FILIP1: variants seen among roughly 807,000 people sequenced by gnomAD.
The protein encoded by FILIP1 is filamin-A-interacting protein 1.
In FILIP1, 61 loss-of-function variants were observed where a neutral mutation model predicts 102.1. The observed-to-expected ratio is 0.60, with a 90% confidence interval of 0.49 to 0.74. The LOEUF (loss-of-function observed/expected upper bound fraction) is 0.74. Ranked by LOEUF, FILIP1 falls within the 30% of genes least tolerant of loss-of-function variation. The pLI is 0.00. For missense variants in FILIP1, 1,314 were observed against 1,441.2 expected (o/e 0.91, Z 1.43); for synonymous variants, 491 against 526.9 (o/e 0.93, Z 0.93).
At chr6:75,425,024 C>T (rs996925252) in intron 1 of FILIP1, among the ~76,000 whole-genome samples, 14 of 152,054 alleles carry the variant, frequency 9.2e-5, no homozygotes, top group Admixed American at 5.3e-4. Context: ...TGAACTTCTC[C>T]CAACTTCTGT....
At chr6:75,473,671 TAA>T (rs1204312042) in intron 1 of FILIP1, 1 of 152,168 alleles carries the variant, frequency 6.6e-6, no homozygotes, top group Non-Finnish European at 1.5e-5. Context: ...TTTAAAAACA[TAA>T]AGACACAGTT....
chr6:75,381,699 T>C (rs2842451), intron 2 of FILIP1, among the ~76,000 whole-genome samples: 112,794 of 152,080 alleles, frequency 0.74, 42,415 homozygotes, highest in African/African-American at 0.87. Flanking sequence ...AGTCTGACTT[T>C]GGATTTGTAG....
chr6:75,468,322 TC>T (rs1205376933), intron 1 of FILIP1, among the ~76,000 whole-genome samples: 2 of 152,150 alleles, frequency 1.3e-5, no homozygotes, highest in Non-Finnish European at 1.5e-5. Flanking sequence ...ATAATAGAGT[TC>T]TTTGTTTTCA....
At chr6:75,491,097 C>T (rs114610506) in intron 1 of FILIP1, among the ~76,000 whole-genome samples, 1,931 of 152,198 alleles carry the variant, frequency 0.013, 44 homozygotes, top group African/African-American at 0.044. Flanking sequence ...GCTGTCTAAA[C>T]TTAGAAAGAA....
intron 2 of FILIP1, among the ~76,000 whole-genome samples, chr6:75,395,489 G>T (rs954033257): frequency 1.3e-5 from 2 of 152,102 alleles, no homozygotes; most frequent in Non-Finnish European, 2.9e-5. Context: ...ATGCAGCCAG[G>T]CTGGTCTCAA....
chr6:75,467,651 C>T (rs1019533014), intron 1 of FILIP1, among the ~76,000 whole-genome samples: 2 of 152,170 alleles, frequency 1.3e-5, no homozygotes, highest in Non-Finnish European at 2.9e-5. Context: ...CTCCTTTTCC[C>T]ACTAGAAATC....
In FILIP1 at chr6:75,313,839, G is replaced by A. The variant is rs1185306598; in HGVS notation, c.1993C>T (p.Gln665Ter). The A allele has an allele frequency of 1.2e-6, 2 of 1,613,870 alleles. No individual in the cohort carries two copies. Among genetic ancestry groups the A allele is most frequent in the African/African-American group, 2.7e-5 (2 of 74,914 alleles). Residue 665 changes from glutamine to a stop codon, truncating the protein, a stop_gained, in exon 5 of 6, where the codon CAG becomes TAG. Coordinates refer to ENST00000237172, the MANE Select transcript of FILIP1 (RefSeq NM_015687.5). LOFTEE classifies it high-confidence loss of function. This position sits in a 1 kb window ranked among gnomAD's most constrained non-coding sequence, Gnocchi z 4.2. ...TTATCCTGCTCAGTTCTAAATTTCT[G>A]TTCCAGCTGATCATACTCATCTTCT... The part of the protein sequence containing the change: ...KTEDEYDQLE[Q>*]KFRTEQDKAN...
At chr6:75,470,251 C>A (rs1294222181) in intron 1 of FILIP1, among the ~76,000 whole-genome samples, 1 of 152,064 alleles carries the variant, frequency 6.6e-6, no homozygotes, top group African/African-American at 2.4e-5. Flanking sequence ...AACGACTTTT[C>A]TATATATTGC....
intron 1 of FILIP1, among the ~76,000 whole-genome samples, chr6:75,437,306 TGA>T (rs2149715143): frequency 6.6e-6 from 1 of 152,362 alleles, no homozygotes; most frequent in African/African-American, 2.4e-5. Flanking sequence ...AGAAAATATG[TGA>T]GTTTGTATGG....
At chr6:75,310,630 T>G (rs1773149567) in intron 5 of FILIP1, among the ~76,000 whole-genome samples, 1 of 152,212 alleles carries the variant, frequency 6.6e-6, no homozygotes, top group Non-Finnish European at 1.5e-5. Flanking sequence ...TAGGGCTACC[T>G]TGATCTGACA....
At chr6:75,291,998 GT>G (rs1772559239) in exon 7 of FILIP1, 4 of 152,128 alleles carry the variant, frequency 2.6e-5, no homozygotes, top group Admixed American at 2.6e-4. Context: ...AACAGAGAAT[GT>G]TTTCATTGGT....
rs1377307269 is a variant in FILIP1, at chr6:75,308,711, G to A, written c.3622C>T (p.Leu1208Phe). The A allele has an allele frequency of 6.2e-7, 1 of 1,613,132 alleles. No individual in the cohort carries two copies. Among genetic ancestry groups the A allele is most frequent in the African/African-American group, 1.3e-5 (1 of 74,874 alleles). ...TGCCCTCAGCCCTTCCCCCCTCCGA[G>A]AGAGGTGGTGCTGCTGGCTGCAGAT... ...KKSAASSTTSLGGGKG is the reference protein window; with the variant it reads ...KKSAASSTTSFGGGKG Residue 1208 changes from leucine to phenylalanine, a missense_variant, in exon 6 of 6, where the codon CTC becomes TTC. Leu to Phe is a conservative substitution (Grantham distance 22, BLOSUM62 0). Around this residue, in one of 3 missense-constraint regions of FILIP1, gnomAD observed 816 missense variants for 913.1 expected, o/e 0.89. Transcript: ENST00000237172.
At chr6:75,325,936 T>C (rs1235233532) in intron 4 of FILIP1, among the ~76,000 whole-genome samples, 1 of 152,162 alleles carries the variant, frequency 6.6e-6, no homozygotes, top group Non-Finnish European at 1.5e-5. Flanking sequence ...GAAGTCACTA[T>C]ATGAAAAAGA....
Position 75,486,982 on chromosome 6 carries a change from G to A in FILIP1, c.-7+6432C>T, listed in dbSNP as rs1299236510. On this transcript the variant is annotated intron_variant, in intron 1 of 5. Coordinates refer to ENST00000237172, the MANE Select transcript of FILIP1 (RefSeq NM_015687.5). ...TTGACGGGCCCTGAGAAGTGAACTC[G>A]ACCAATGCAGCTGACTTCCTTAAAG... 3.9e-5 allele frequency among the ~76,000 whole-genome samples: 6 copies of A among 151,950 alleles called. 1 individual carries two copies. Among genetic ancestry groups the A allele is most frequent in the Admixed American group, 1.3e-4 (2 of 15,236 alleles).
At chr6:75,336,376 C>T (rs956292019) in intron 4 of FILIP1, among the ~76,000 whole-genome samples, 2 of 152,072 alleles carry the variant, frequency 1.3e-5, no homozygotes, top group Admixed American at 6.6e-5. Context: ...TAAGTCAGGG[C>T]CACAGAATCT....
intron 1 of FILIP1, among the ~76,000 whole-genome samples, chr6:75,471,107 C>T (rs560655062): frequency 3.8e-5 from 5 of 132,766 alleles, no homozygotes; most frequent in South Asian, 2.3e-4. Flanking sequence ...TTGCAGTGAA[C>T]GGAGATCACA....
At chr6:75,465,579 A>T (rs1231511386) in intron 1 of FILIP1, 1 of 500,204 alleles carries the variant, frequency 2.0e-6, no homozygotes, top group East Asian at 4.0e-5. Context: ...ATTAAAAAAA[A>T]AAACAAGCTC....
chr6:75,409,894 T>G (rs1777002559), intron 2 of FILIP1, among the ~76,000 whole-genome samples: 1 of 151,982 alleles, frequency 6.6e-6, no homozygotes, highest in South Asian at 2.1e-4. Context: ...CACACCCCTA[T>G]AATACCATCC....
intron 3 of FILIP1, among the ~76,000 whole-genome samples, chr6:75,357,772 T>C (rs563666498): frequency 6.6e-6 from 1 of 152,354 alleles, no homozygotes; most frequent in Admixed American, 6.5e-5. Flanking sequence ...TTCTTGTTTT[T>C]TTGTTTGGAA....
Sources: allele counts gnomAD v4.1 joint callset (sites outside exome capture counted in the v4.1 genomes callset), GRCh38; gene constraint gnomAD v4.1.1; regional missense constraint gnomAD v4.1.1; non-coding constraint Gnocchi (gnomAD v3.1); transcripts MANE v1.5; gene names NCBI Gene and HGNC (gene_info 2026-07-23, HGNC 2026-07-21).